Variants in CANX observed in about 807,000 individuals in gnomAD.
CANX encodes the protein calnexin.
In CANX, 14 loss-of-function variants were observed where a neutral mutation model predicts 75.7. The observed-to-expected ratio is 0.19, with a 90% CI of 0.12 to 0.29. The LOEUF is 0.29. Ranked by LOEUF, CANX falls within the 10% of genes least tolerant of loss-of-function variation. The pLI is 1.00. For missense variants in CANX, 567 were observed against 713.2 expected (o/e 0.79, Z 2.34); for synonymous variants, 227 against 236.9 (o/e 0.96, Z 0.38).
chr5:179,698,303 C>T, upstream of CANX: 1 of 626,962 alleles, frequency 1.6e-6, no homozygotes, highest in Non-Finnish European at 2.1e-6. Flanking sequence ...TTCAAATAAC[C>T]TCGGATTATA....
chr5:179,698,646 C>T (rs1253143367), upstream of CANX: 2 of 1,215,684 alleles, frequency 1.6e-6, no homozygotes, highest in African/African-American at 1.6e-5. Context: ...CCGAAGGCAC[C>T]ACAGCAACCG....
At chr5:179,706,519 T>C (rs1410514790) in intron 3 of CANX, among the ~76,000 whole-genome samples, 188 bp downstream of exon 3, 1 of 152,086 alleles carries the variant, frequency 6.6e-6, no homozygotes, top group Admixed American at 6.6e-5. Flanking sequence ...TACCGGCTCA[T>C]TGCCACCTCC....
At chr5:179,701,578 CA>C (rs962692262) in intron 1 of CANX, among the ~76,000 whole-genome samples, 17 of 142,414 alleles carry the variant, frequency 1.2e-4, no homozygotes, top group South Asian at 2.3e-4. Flanking sequence ...TCAGGAAAAA[CA>C]AAAAAAAAAG....
Position 179,709,858 on chromosome 5 carries a change from T to A in CANX, c.529-15T>A. The A allele has an allele frequency of 6.5e-7, 1 of 1,539,304 alleles. No homozygotes were observed. Among genetic ancestry groups the A allele is most frequent in the Admixed American group, 2.2e-5 (1 of 45,914 alleles). On this transcript the variant is annotated splice_polypyrimidine_tract_variant and intron_variant, in intron 6 of 14. Coordinates refer to ENST00000247461, the MANE Select transcript of CANX (RefSeq NM_001746.4). ...GAGTACAGTGACTTCAAATAATCCTTTTTTGTTTTTGAAGGATCAGTTCCA... is the reference window on the plus strand; with the variant it reads ...GAGTACAGTGACTTCAAATAATCCTATTTTGTTTTTGAAGGATCAGTTCCA...
At chr5:179,680,485 T>C (rs1776034595) in intron 1 of CANX, among the ~76,000 whole-genome samples, 1 of 152,140 alleles carries the variant, frequency 6.6e-6, no homozygotes, top group Non-Finnish European at 1.5e-5. Flanking sequence ...GGAAGACAGA[T>C]GCGTGTATAG....
intron 1 of CANX, among the ~76,000 whole-genome samples, chr5:179,680,639 A>G (rs1234390346): frequency 2.0e-5 from 3 of 152,160 alleles, no homozygotes; most frequent in Admixed American, 2.0e-4. Flanking sequence ...TCCAAAGTCC[A>G]GATAACAGAC....
intron 1 of CANX, among the ~76,000 whole-genome samples, chr5:179,702,096 C>G (rs1261290863): frequency 6.6e-6 from 1 of 151,732 alleles, no homozygotes; most frequent in African/African-American, 2.4e-5. Context: ...AGTGCAGTGG[C>G]GTGGTTATTG....
upstream of CANX, among the ~76,000 whole-genome samples, chr5:179,693,644 C>T (rs1353171050): frequency 6.6e-6 from 1 of 151,748 alleles, no homozygotes; most frequent in Non-Finnish European, 1.5e-5. Context: ...TGTACTCTAG[C>T]CTGGGCAACA....
chr5:179,693,225 A>G (rs560528569), intron 1 of CANX, among the ~76,000 whole-genome samples: 25 of 152,182 alleles, frequency 1.6e-4, no homozygotes, highest in Admixed American at 1.5e-3. Flanking sequence ...AAAGGAAAAA[A>G]AATATATATG....
upstream of CANX, chr5:179,698,352 C>T: frequency 8.9e-7 from 1 of 1,119,016 alleles, no homozygotes; most frequent in Non-Finnish European, 1.1e-6. Context: ...GACGAGGCTG[C>T]GCAGGCTCCT....
At chr5:179,714,489 C>T (rs1223287438) in intron 7 of CANX, among the ~76,000 whole-genome samples, 1 of 151,894 alleles carries the variant, frequency 6.6e-6, no homozygotes, top group East Asian at 1.9e-4. Flanking sequence ...ACTTTACATG[C>T]TATATCTAAC....
At chr5:179,706,501 T>G (rs1385752423) in intron 3 of CANX, among the ~76,000 whole-genome samples, 170 bp downstream of exon 3, 2 of 152,214 alleles carry the variant, frequency 1.3e-5, no homozygotes, top group African/African-American at 2.4e-5. Flanking sequence ...TGGAGTGCAA[T>G]GGCGTGATAC....
Position 179,708,319 on chromosome 5 carries a change from C to T in CANX, c.385C>T (p.His129Tyr). The T allele has an allele frequency of 6.2e-7, 1 of 1,613,854 alleles. No homozygotes were observed. The highest frequency in any genetic ancestry group is 8.5e-7 in the Non-Finnish European group (1 of 1,179,778). Residue 129 changes from histidine (H) to tyrosine (Y), a missense_variant, in exon 5 of 15, where the codon CAT becomes TAT. Physicochemically the swap from His to Tyr is moderately conservative, Grantham distance 83 (BLOSUM62 2). Coordinates refer to ENST00000247461, the MANE Select transcript of CANX (RefSeq NM_001746.4). ...GLVLMSRAKH[H>Y]AISAKLNKPF... is the part of the protein sequence containing the mutation. ...TGTGTTGATGTCTCGGGCCAAGCAT[C>T]ATGCCATCTCTGCTAAACTGAACAA...
chr5:179,694,735 A>G, upstream of CANX: 1 of 674,534 alleles, frequency 1.5e-6, no homozygotes, highest in Non-Finnish European at 2.7e-6. Context: ...GAGGAAGATG[A>G]AGACGAGGAG....
chr5:179,699,063 A>G lies in CANX; in HGVS notation c.-43A>G, dbSNP rs1486236583. 2 of 1,099,110 alleles carry G rather than the reference A, an allele frequency of 1.8e-6. No individual in the cohort carries two copies. Among genetic ancestry groups the G allele is most frequent in the Non-Finnish European group, 2.2e-6 (2 of 895,702 alleles). 68.1% of individuals were successfully genotyped at this position (1,099,110 alleles called of 1,614,324 possible). Reference sequence around the variant, plus strand: ...GCGCGGGGCAAGGTGTGCGGGCGGGAAGGGGCACGGGCACCCCCGCGGTCC... The same window carrying G: ...GCGCGGGGCAAGGTGTGCGGGCGGGGAGGGGCACGGGCACCCCCGCGGTCC... On this transcript the variant is annotated 5_prime_UTR_variant, in exon 1 of 15. Coordinates refer to ENST00000247461, the MANE Select transcript of CANX (RefSeq NM_001746.4).
chr5:179,716,063 G>A lies in CANX; in HGVS notation c.722-42G>A, dbSNP rs747587964. 7 of 1,379,140 alleles carry A rather than the reference G, an allele frequency of 5.1e-6. No individual in the cohort carries two copies. In the East Asian group the frequency reaches 1.6e-4, roughly 32 times the overall value. The allele number at this position is 1,379,140 out of a possible 1,614,324, so 85.4% of individuals were successfully genotyped here. On this transcript the variant is annotated intron_variant, in intron 7 of 14. Transcript: ENST00000247461. ...TTTTGTATTATGGTAAAGGGAGCTT[G>A]GAAAATTAAGTACTTTTAATTCCAT...
rs1778409834 is a variant in CANX, at chr5:179,723,002, G to T, written c.1381G>T (p.Ala461Ser). 1 of 1,613,816 alleles carries T rather than the reference G, an allele frequency of 6.2e-7. No individual in the cohort carries two copies. Among genetic ancestry groups the T allele is most frequent in the African/African-American group, 1.3e-5 (1 of 74,922 alleles). ...ANDGWGLKKA[A>S]DGAAEPGVVG... ...TGATGGATGGGGCCTGAAGAAAGCT[G>T]CTGATGGGGCTGCTGAGGTTCGTGT... The change falls in exon 11 of 15, where the codon GCT (alanine) becomes TCT (serine). Residue 461 changes from alanine to serine, a missense_variant. This residue lies in a region of CANX where 167 missense variants were observed against 179.3 expected (regional missense o/e 0.93). Transcript: ENST00000247461.
chr5:179,706,530 G>A (rs373664841), intron 3 of CANX, among the ~76,000 whole-genome samples, 199 bp downstream of exon 3: 12 of 151,956 alleles, frequency 7.9e-5, no homozygotes, highest in East Asian at 3.8e-4. Context: ...TGCCACCTCC[G>A]TCTCCTGGGT....
At chr5:179,707,687 A>G (rs1282692739) in intron 4 of CANX, among the ~76,000 whole-genome samples, 1 of 138,594 alleles carries the variant, frequency 7.2e-6, no homozygotes, top group Non-Finnish European at 1.5e-5. Context: ...TCAGGGGTGC[A>G]TGTGTAGCCT....
Sources: gnomAD v4.1 joint callset for allele counts (sites outside exome capture counted in the v4.1 genomes callset) on GRCh38, gnomAD v4.1.1 for gene constraint, gnomAD v4.1.1 regional missense constraint, MANE v1.5 for transcripts, NCBI Gene and HGNC (gene_info 2026-07-23, HGNC 2026-07-21) for gene names.